The following CNTNAP3 variants were observed in gnomAD, a reference collection of about 807,000 sequenced individuals.
CNTNAP3 encodes contactin associated protein family member 3, also known as contactin-associated protein-like 3.
In CNTNAP3, 36 loss-of-function variants were observed where a neutral mutation model predicts 92.1. The observed-to-expected ratio is 0.39, with a 90% CI of 0.30 to 0.52. The LOEUF is 0.52. CNTNAP3 is among the 20% of genes least tolerant of loss of function. CNTNAP3 has a pLI of 0.76. For synonymous variants in CNTNAP3, 232 were observed against 422.3 expected (o/e 0.55, Z 5.53); for missense variants, 534 against 1,069.6 (o/e 0.50, Z 6.98).
chr9:39,153,503 G>C (rs1821883601), intron 9 of CNTNAP3, among the ~76,000 whole-genome samples: 1 of 4,312 alleles, frequency 2.3e-4, no homozygotes, highest in African/African-American at 1.1e-3. Flanking sequence ...AAAAAGAATG[G>C]ACAAATGACA....
At chr9:39,133,740 T>G (rs926304222) in intron 12 of CNTNAP3, among the ~76,000 whole-genome samples, 4 of 151,882 alleles carry the variant, frequency 2.6e-5, no homozygotes, top group African/African-American at 4.8e-5. Context: ...CTGATGTATC[T>G]CTGTCACTTG....
intron 13 of CNTNAP3, among the ~76,000 whole-genome samples, chr9:39,129,686 T>C (rs200548833): frequency 1.4e-5 from 2 of 143,594 alleles, no homozygotes; most frequent in Non-Finnish European, 3.1e-5. Flanking sequence ...TAAGAGTCGA[T>C]GAATAGGCAA....
chr9:39,132,914 T>G lies in CNTNAP3; in HGVS notation c.2080+18A>C. 6.5e-7 allele frequency: 1 copy of G among 1,538,300 alleles called. No individual in the cohort carries two copies. The highest frequency in any genetic ancestry group is 2.0e-5 in the Admixed American group (1 of 50,834). Reference sequence around the variant, plus strand: ...CCCGGCCCCGTGAACCCCTGTAGCCTCCAGGAGTGGCGCTTACCTCGTGAG... The same window carrying G: ...CCCGGCCCCGTGAACCCCTGTAGCCGCCAGGAGTGGCGCTTACCTCGTGAG... On this transcript the variant is annotated intron_variant, in intron 13 of 23. Transcript: ENST00000297668.
Position 39,117,910 on chromosome 9 carries a change from C to T in CNTNAP3, c.2237+193G>A, listed in dbSNP as rs1758558. ...AAAACACATTATATAGTATTCACAA[C>T]GAACTAGTAAATCTTTGGTCATAAA... On this transcript the variant is annotated intron_variant, in intron 14 of 23. Transcript: ENST00000297668. The T allele has an allele frequency of 2.4e-3, 3,142 of 1,328,312 alleles. 78 individuals carry two copies. The African/African-American group carries it at 0.042, about 18-fold the overall frequency. The allele number at this position is 1,328,312 out of a possible 1,614,324, so 82.3% of individuals were successfully genotyped here. A position where few individuals can be genotyped will look rare whatever the true frequency, so the allele number is the denominator to read the frequency against.
intron 11 of CNTNAP3, among the ~76,000 whole-genome samples, chr9:39,141,620 G>A (rs906495509): frequency 2.0e-5 from 3 of 152,136 alleles, no homozygotes; most frequent in African/African-American, 7.2e-5. Flanking sequence ...ATTAATATCT[G>A]CAGGAGATGG....
At chr9:39,128,771 T>G (rs145821549) in intron 13 of CNTNAP3, among the ~76,000 whole-genome samples, 1,735 of 151,186 alleles carry the variant, frequency 0.011, 35 homozygotes, top group African/African-American at 0.039. Flanking sequence ...ATTTTCCATA[T>G]AGAAAATCCC....
At chr9:39,090,133 G>C (rs1826157322) in intron 18 of CNTNAP3, among the ~76,000 whole-genome samples, 1 of 152,118 alleles carries the variant, frequency 6.6e-6, no homozygotes, top group Non-Finnish European at 1.5e-5. Flanking sequence ...TAGAGATGGG[G>C]TTTCACTGTG....
chr9:39,134,052 G>C (rs974359580), intron 12 of CNTNAP3, among the ~76,000 whole-genome samples: 1 of 152,118 alleles, frequency 6.6e-6, no homozygotes, highest in African/African-American at 2.4e-5. Flanking sequence ...AAATCACCCT[G>C]CCAGCCCTTC....
At chr9:39,161,692 T>TAATAAA (rs1822075962) in intron 9 of CNTNAP3, among the ~76,000 whole-genome samples, 1 of 134,546 alleles carries the variant, frequency 7.4e-6, no homozygotes, top group Non-Finnish European at 1.6e-5. Context: ...ATAATAATAA[T>TAATAAA]AATAAATTAG....
intron 10 of CNTNAP3, 138 bp from the exon 11 acceptor site, chr9:39,144,484 C>G: frequency 3.0e-6 from 4 of 1,337,708 alleles, no homozygotes; most frequent in Non-Finnish European, 4.0e-6. Context: ...GACGTGATTA[C>G]TGGGTCTGCC....
intron 23 of CNTNAP3, among the ~76,000 whole-genome samples, chr9:39,074,892 C>A (rs927038432): frequency 5.9e-5 from 9 of 152,286 alleles, no homozygotes; most frequent in African/African-American, 2.2e-4. Flanking sequence ...CCTCAGGCTC[C>A]TGAGTAGCTG....
chr9:39,081,474 G>C (rs1363162080), intron 21 of CNTNAP3, among the ~76,000 whole-genome samples: 1 of 149,698 alleles, frequency 6.7e-6, no homozygotes, highest in Non-Finnish European at 1.5e-5. Flanking sequence ...CTGCTCCCGA[G>C]TAAATTCACG....
chr9:39,129,606 A>G (rs1376651672), intron 13 of CNTNAP3, among the ~76,000 whole-genome samples: 3 of 152,178 alleles, frequency 2.0e-5, no homozygotes, highest in Non-Finnish European at 4.4e-5. Flanking sequence ...GATGTGTACA[A>G]CCCATAAAAG....
intron 15 of CNTNAP3, among the ~76,000 whole-genome samples, chr9:39,105,300 G>A (rs964206651): frequency 6.6e-6 from 1 of 152,134 alleles, no homozygotes; most frequent in African/African-American, 2.4e-5. Flanking sequence ...GGTGGTGGGT[G>A]CCTGTAGTCC....
intron 10 of CNTNAP3, among the ~76,000 whole-genome samples, chr9:39,147,658 G>A (rs759090085): frequency 1.3e-5 from 2 of 152,158 alleles, no homozygotes; most frequent in Non-Finnish European, 2.9e-5. Flanking sequence ...ATGCTTAGTT[G>A]AGCATGTTTA....
At chr9:39,108,739 C>T (rs577496812) in intron 15 of CNTNAP3, among the ~76,000 whole-genome samples, 78 of 152,204 alleles carry the variant, frequency 5.1e-4, no homozygotes, top group African/African-American at 1.9e-3. Context: ...AATACACATT[C>T]GGTGCCATGT....
At chr9:39,102,188 G>A (rs1168069544) in intron 17 of CNTNAP3, among the ~76,000 whole-genome samples, 10 of 152,322 alleles carry the variant, frequency 6.6e-5, no homozygotes, top group Non-Finnish European at 1.0e-4. Flanking sequence ...GCTGAGGCAG[G>A]AGAATCGCTT....
At chr9:39,098,754 A>C (rs1394834699) in intron 18 of CNTNAP3, among the ~76,000 whole-genome samples, 1 of 152,160 alleles carries the variant, frequency 6.6e-6, no homozygotes, top group Non-Finnish European at 1.5e-5. Flanking sequence ...CTAGATAATG[A>C]ATCCTCAAAA....
intron 17 of CNTNAP3, among the ~76,000 whole-genome samples, chr9:39,101,997 C>T (rs1826468829): frequency 6.6e-6 from 1 of 152,208 alleles, no homozygotes; most frequent in Admixed American, 6.5e-5. Flanking sequence ...CACTGAGATA[C>T]TGCAGGGCCC....
Sources: allele counts gnomAD v4.1 joint callset (sites outside exome capture counted in the v4.1 genomes callset), GRCh38; gene constraint gnomAD v4.1.1; transcripts MANE v1.5; gene names NCBI Gene and HGNC (gene_info 2026-07-23, HGNC 2026-07-21).